Variants in DZANK1 observed in about 807,000 individuals in gnomAD.
DZANK1 encodes the protein double zinc ribbon and ankyrin repeat domains 1, also known as double zinc ribbon and ankyrin repeat-containing protein 1.
In DZANK1, 91 loss-of-function variants were observed where a neutral mutation model predicts 94.5. That is an observed-to-expected ratio of 0.96 (90% CI 0.81 to 1.15). The LOEUF is 1.15. DZANK1 is among the 50% of genes most tolerant of loss of function. The probability of loss-of-function intolerance (pLI) is 0.00; values close to 1 mark genes in which losing one functional copy is unlikely to be tolerated. For missense variants in DZANK1, 903 were observed against 916.4 expected, an observed-to-expected ratio of 0.99 and a Z score of 0.19; for synonymous variants, 312 against 325.3, an observed-to-expected ratio of 0.96 and a Z score of 0.44.
intron 10 of DZANK1, among the ~76,000 whole-genome samples, chr20:18,424,074 T>C (rs1459215830): frequency 6.6e-6 from 1 of 152,126 alleles, no homozygotes; most frequent in African/African-American, 2.4e-5. Context: ...AGAACACACA[T>C]ATTACAAATA....
In DZANK1 at chr20:18,417,528, G is replaced by C. The variant is rs139177986; in HGVS notation, c.955-2079C>G. Among the ~76,000 whole-genome samples the C allele has an allele frequency of 7.0e-5, 10 of 142,872 alleles. No homozygotes were observed. The East Asian group carries it at 1.8e-3, about 26-fold the overall frequency. The allele number at this position is 142,872 out of a possible 152,430, so 93.7% of individuals were successfully genotyped here. ...GAGTGTCATTTTATGATGAGAGAGT[G>C]ATATCAAGTCTAAAACCACATTAAT... On this transcript the variant is annotated intron_variant, in intron 10 of 20. Transcript: ENST00000262547.
At chr20:18,418,462 A>C (rs1203929188) in intron 10 of DZANK1, among the ~76,000 whole-genome samples, 1 of 152,194 alleles carries the variant, frequency 6.6e-6, no homozygotes, top group Non-Finnish European at 1.5e-5. Flanking sequence ...CTGAATGGAG[A>C]CCAAACTTTC....
At chr20:18,390,191 G>C (rs1158607601) in intron 18 of DZANK1, among the ~76,000 whole-genome samples, 188 bp downstream of exon 18, 1 of 152,174 alleles carries the variant, frequency 6.6e-6, no homozygotes, top group Non-Finnish European at 1.5e-5. Flanking sequence ...TATTTTCTCT[G>C]ATATAAAAAC....
intron 8 of DZANK1, among the ~76,000 whole-genome samples, chr20:18,438,349 C>T (rs1437833225): frequency 2.7e-5 from 4 of 150,556 alleles, no homozygotes; most frequent in Admixed American, 2.6e-4. Flanking sequence ...TCAATAATGA[C>T]ATTAAATAGG....
chr20:18,385,833 C>T (rs1333898322), intron 19 of DZANK1, among the ~76,000 whole-genome samples: 1 of 152,108 alleles, frequency 6.6e-6, no homozygotes, highest in Non-Finnish European at 1.5e-5. Context: ...ATCTTAGAAA[C>T]CAGGGGGCAG....
intron 2 of DZANK1, among the ~76,000 whole-genome samples, chr20:18,461,498 T>A (rs1039415217): frequency 6.6e-6 from 1 of 152,182 alleles, no homozygotes; most frequent in African/African-American, 2.4e-5. Flanking sequence ...TTATAAGCAC[T>A]ATAATAAATA....
At chr20:18,450,069 C>T (rs2059040447) in intron 6 of DZANK1, among the ~76,000 whole-genome samples, 1 of 145,740 alleles carries the variant, frequency 6.9e-6, no homozygotes, top group African/African-American at 2.6e-5. Context: ...TAGAGTGAAA[C>T]TCCGTCTCAA....
At chr20:18,393,940 T>A (rs1248541740) in intron 16 of DZANK1, 129 bp from the exon 17 acceptor site, 2 of 682,164 alleles carry the variant, frequency 2.9e-6, no homozygotes, top group Non-Finnish European at 2.5e-6. Flanking sequence ...TTCTATTTGA[T>A]TAAACCCGGC....
chr20:18,390,720 C>T (rs1344968172), intron 17 of DZANK1, among the ~76,000 whole-genome samples: 1 of 152,144 alleles, frequency 6.6e-6, no homozygotes, highest in African/African-American at 2.4e-5. Flanking sequence ...CCATGAGAAA[C>T]CTCACAAAAC....
At chr20:18,385,198 C>T (rs2048410298) in intron 19 of DZANK1, 108 bp from the exon 20 acceptor site, 1 of 1,009,084 alleles carries the variant, frequency 9.9e-7, no homozygotes, top group Non-Finnish European at 1.5e-6. Flanking sequence ...ACCTACTTAA[C>T]TAACCTGGGA....
At chr20:18,464,198 C>G (rs1228357120) in intron 2 of DZANK1, among the ~76,000 whole-genome samples, 1 of 151,750 alleles carries the variant, frequency 6.6e-6, no homozygotes, top group Non-Finnish European at 1.5e-5. Context: ...CTCAGCCTCC[C>G]GAGTAGCTGG....
exon 21 of DZANK1, chr20:18,384,512 G>A: frequency 9.3e-6 from 15 of 1,611,550 alleles, no homozygotes; most frequent in Non-Finnish European, 1.3e-5. Context: ...TTCAGAGCCA[G>A]GTCGTATGCT....
chr20:18,412,924 A>G, intron 12 of DZANK1, 71 bp from the exon 13 acceptor site: 1 of 1,337,766 alleles, frequency 7.5e-7, no homozygotes, highest in Non-Finnish European at 1.0e-6. Flanking sequence ...TACTTATAGA[A>G]AACAACTCTA....
At chr20:18,463,366 G>A (rs1166620855) in intron 2 of DZANK1, among the ~76,000 whole-genome samples, 1 of 152,122 alleles carries the variant, frequency 6.6e-6, no homozygotes, top group African/African-American at 2.4e-5. Context: ...CCAGAGGGTG[G>A]GGAGGGCTGA....
chr20:18,416,205 T>C (rs1246930003), intron 10 of DZANK1, among the ~76,000 whole-genome samples: 1 of 152,170 alleles, frequency 6.6e-6, no homozygotes, highest in East Asian at 1.9e-4. Context: ...ATTAGAGCCA[T>C]CTGACTCTAA....
At chr20:18,396,532 A>C in exon 15 of DZANK1, 1 of 1,613,210 alleles carries the variant, frequency 6.2e-7, no homozygotes, top group Non-Finnish European at 8.5e-7. Context: ...CTTCGTGGAC[A>C]GTAGCAGAGA....
chr20:18,456,419 G>A (rs2059294306), intron 3 of DZANK1, among the ~76,000 whole-genome samples: 1 of 152,148 alleles, frequency 6.6e-6, no homozygotes, highest in Non-Finnish European at 1.5e-5. Flanking sequence ...CTTTATTGAG[G>A]TATAATTTAC....
chr20:18,400,770 T>A (rs1416758029), intron 13 of DZANK1, among the ~76,000 whole-genome samples: 1 of 152,196 alleles, frequency 6.6e-6, no homozygotes, highest in Admixed American at 6.5e-5. Flanking sequence ...GGGCACCTAC[T>A]ATTGGTCATG....
At chr20:18,421,954 A>T (rs1268972224) in intron 10 of DZANK1, among the ~76,000 whole-genome samples, 2 of 152,076 alleles carry the variant, frequency 1.3e-5, no homozygotes, top group Non-Finnish European at 2.9e-5. Flanking sequence ...TATGTACTGG[A>T]TATTAATCCC....
Sources: allele counts gnomAD v4.1 joint callset (sites outside exome capture counted in the v4.1 genomes callset), GRCh38; gene constraint gnomAD v4.1.1; transcripts MANE v1.5; gene names NCBI Gene and HGNC (gene_info 2026-07-23, HGNC 2026-07-21).